Variants in ISM1 observed in about 807,000 individuals in gnomAD.
ISM1 encodes the protein isthmin 1, also known as isthmin-1.
ISM1 carries 25 observed loss-of-function variants against 46.3 expected under a neutral mutation model. The observed-to-expected ratio is 0.54, with a 90% CI of 0.39 to 0.75. ISM1 has a LOEUF of 0.75. ISM1 is among the 30% of genes least tolerant of loss of function. The pLI is 0.00. For synonymous variants in ISM1, 255 were observed against 256.7 expected (o/e 0.99, Z 0.06); for missense variants, 536 against 625.4 (o/e 0.86, Z 1.52).
chr20:13,297,474 C>A (rs974805188), intron 5 of ISM1, among the ~76,000 whole-genome samples: 1 of 152,216 alleles, frequency 6.6e-6, no homozygotes, highest in Non-Finnish European at 1.5e-5. Context: ...TCACTGGAAT[C>A]TTTTTGTCTC....
intron 1 of ISM1, among the ~76,000 whole-genome samples, chr20:13,269,141 A>G (rs1269511912): frequency 6.6e-6 from 1 of 152,152 alleles, no homozygotes; most frequent in East Asian, 1.9e-4. Context: ...ATACACTCCC[A>G]AACCCCAAAA....
At chr20:13,277,110 T>G (rs2040188300) in intron 2 of ISM1, among the ~76,000 whole-genome samples, 1 of 151,986 alleles carries the variant, frequency 6.6e-6, no homozygotes, top group South Asian at 2.1e-4. Context: ...AGGCAACAAG[T>G]CTATTTTGTT....
the ISM1 span, among the ~76,000 whole-genome samples, chr20:13,311,239 TAGATGATAGATA>T: frequency 9.1e-6 from 1 of 110,282 alleles, no homozygotes; most frequent in Admixed American, 9.5e-5. Context: ...GATAGATAGA[TAGATGATAGATA>T]GATAGATAGA....
chr20:13,247,520 GTGTGTGTGTGTGT>G (rs2039811934), intron 1 of ISM1, among the ~76,000 whole-genome samples: 6 of 85,322 alleles, frequency 7.0e-5, no homozygotes, highest in African/African-American at 2.9e-4. Flanking sequence ...AGTGAGGGGT[GTGTGTGTGTGTGT>G]GTGTGTGTGT....
chr20:13,279,961 C>T, intron 3 of ISM1, 63 bp downstream of exon 3: 2 of 1,495,534 alleles, frequency 1.3e-6, no homozygotes, highest in Non-Finnish European at 1.8e-6. Flanking sequence ...ATGCCTTGGA[C>T]ATGGAGCCAA....
At chr20:13,274,676 C>G (rs892847656) in intron 2 of ISM1, among the ~76,000 whole-genome samples, 35 of 151,956 alleles carry the variant, frequency 2.3e-4, no homozygotes, top group African/African-American at 5.5e-4. Flanking sequence ...CCCCGCCCCC[C>G]CCGCGCCCGG....
At chr20:13,312,509 C>G in the ISM1 span, among the ~76,000 whole-genome samples, 1 of 152,200 alleles carries the variant, frequency 6.6e-6, no homozygotes, top group Admixed American at 6.5e-5. Context: ...AAACAGAGCA[C>G]TAGACTCGGA....
rs76385532 is a variant in ISM1 at position 13,260,616 on chromosome 20, T to G, written c.139-9888T>G. Among the ~76,000 whole-genome samples, 8 of 151,464 alleles carry G rather than the reference T, an allele frequency of 5.3e-5. 2 individuals carry two copies. The highest frequency in any genetic ancestry group is 1.9e-4 in the African/African-American group (8 of 41,246). On this transcript the variant is annotated intron_variant, in intron 1 of 5. Transcript: ENST00000262487. ...AATAAAGTGGAGTTTTTTTTTTTTTTGAAGTTAGTGTGAAATAATTTCTCC... is the reference window on the plus strand; with the variant it reads ...AATAAAGTGGAGTTTTTTTTTTTTTGGAAGTTAGTGTGAAATAATTTCTCC...
At chr20:13,229,553 T>C (rs2039565559) in intron 1 of ISM1, among the ~76,000 whole-genome samples, 2 of 152,224 alleles carry the variant, frequency 1.3e-5, no homozygotes, top group East Asian at 1.9e-4. Flanking sequence ...CTATCACAAT[T>C]TGTATATCCC....
In ISM1 at chr20:13,221,883, C is replaced by A; in HGVS notation, c.107C>A (p.Ala36Asp). 7.1e-7 allele frequency: 1 copy of A among 1,405,380 alleles called. No homozygotes were observed. Among genetic ancestry groups the A allele is most frequent in the Non-Finnish European group, 9.2e-7 (1 of 1,086,102 alleles). 87.1% of individuals were successfully genotyped at this position (1,405,380 alleles called of 1,614,324 possible). A position where few individuals can be genotyped will look rare whatever the true frequency, so the allele number is the denominator to read the frequency against. Residue 36 changes from alanine (A) to aspartate (D), a missense_variant, in exon 1 of 6, where the codon GCC becomes GAC. Ala to Asp is a moderately radical substitution (Grantham distance 126, BLOSUM62 -2). Transcript: ENST00000262487. ...GGAGCCGCCGACGGGCCCGACGCGGCCGCGGGCAACGCCAGCCAAGCCCAG... is the reference window on the plus strand; with the variant it reads ...GGAGCCGCCGACGGGCCCGACGCGGACGCGGGCAACGCCAGCCAAGCCCAG... ...GSGAADGPDA[A>D]AGNASQAQLQ...
At chr20:13,236,376 G>A (rs2039649688) in intron 1 of ISM1, among the ~76,000 whole-genome samples, 1 of 152,120 alleles carries the variant, frequency 6.6e-6, no homozygotes. Flanking sequence ...TGATTCAATT[G>A]CCTCCACCTG....
intron 1 of ISM1, among the ~76,000 whole-genome samples, chr20:13,223,829 G>A (rs892556967): frequency 2.6e-5 from 4 of 152,078 alleles, no homozygotes; most frequent in Non-Finnish European, 4.4e-5. Context: ...TATACATGAT[G>A]CTTTCTTTCC....
chr20:13,274,901 C>T (rs2040160672), intron 2 of ISM1, among the ~76,000 whole-genome samples: 1 of 152,094 alleles, frequency 6.6e-6, no homozygotes, highest in Non-Finnish European at 1.5e-5. Context: ...AACTGAGTCT[C>T]CATATGAAAT....
chr20:13,231,536 G>A (rs896851186), intron 1 of ISM1, among the ~76,000 whole-genome samples: 15 of 152,180 alleles, frequency 9.9e-5, no homozygotes, highest in African/African-American at 3.6e-4. Flanking sequence ...TCTACTCCCT[G>A]TGAGGCATCA....
rs2039450529 is a variant in ISM1 at position 13,221,715 on chromosome 20, C to T, written c.-62C>T. On this transcript the variant is annotated 5_prime_UTR_variant, in exon 1 of 6. Coordinates refer to ENST00000262487, the MANE Select transcript of ISM1 (RefSeq NM_080826.2). ...TCCCGGGCTCCTACTCCTCCTCCCC[C>T]GGCGTCACCGCCGCCGCCGCCGGCC... 23 of 1,318,790 alleles carry T rather than the reference C, an allele frequency of 1.7e-5. No individual in the cohort carries two copies. Among genetic ancestry groups the T allele is most frequent in the Non-Finnish European group, 2.1e-5 (22 of 1,034,652 alleles). 81.7% of individuals were successfully genotyped at this position (1,318,790 alleles called of 1,614,324 possible). A position where few individuals can be genotyped will look rare whatever the true frequency, so the allele number is the denominator to read the frequency against.
At chr20:13,302,752 A>G (rs1222200732), downstream of ISM1, among the ~76,000 whole-genome samples, 1 of 152,206 alleles carries the variant, frequency 6.6e-6, no homozygotes, top group East Asian at 1.9e-4. Flanking sequence ...AGAGAGTTCT[A>G]GTAATTCAGT....
chr20:13,324,773 C>G, the ISM1 span, among the ~76,000 whole-genome samples: 1 of 152,264 alleles, frequency 6.6e-6, no homozygotes, highest in East Asian at 1.9e-4. Flanking sequence ...ACAGAAAGCA[C>G]CTACTAAACA....
chr20:13,288,510 T>C (rs771615252), intron 3 of ISM1, 30 bp from the exon 4 acceptor site: 25 of 1,609,158 alleles, frequency 1.6e-5, no homozygotes, highest in African/African-American at 8.0e-5. Context: ...TTGGCCAAAG[T>C]TGATGACCAT....
chr20:13,310,833 G>A, the ISM1 span, among the ~76,000 whole-genome samples: 8 of 152,264 alleles, frequency 5.3e-5, no homozygotes, highest in East Asian at 1.9e-4. Flanking sequence ...GTCACTAACC[G>A]CAGGAAAATG....
Sources: gnomAD v4.1 joint callset for allele counts (sites outside exome capture counted in the v4.1 genomes callset) on GRCh38, gnomAD v4.1.1 for gene constraint, MANE v1.5 for transcripts, NCBI Gene and HGNC (gene_info 2026-07-23, HGNC 2026-07-21) for gene names.